The following NRBP2 variants were observed in gnomAD, a reference collection of about 807,000 sequenced individuals.
The protein encoded by NRBP2 is nuclear receptor-binding protein 2.
A neutral mutation model predicts 74.4 loss-of-function variants in NRBP2; 47 were observed. The ratio of observed to expected loss-of-function variants is 0.63; its 90% confidence interval spans 0.50 to 0.81. The LOEUF (loss-of-function observed/expected upper bound fraction) is 0.81. Among genes scored for constraint, NRBP2 ranks in the 30% least tolerant of loss-of-function variants. The pLI, the probability that NRBP2 is intolerant of heterozygous loss-of-function variation, is 0.00. For synonymous variants in NRBP2, 312 were observed against 273.8 expected (o/e 1.14, Z -1.38); for missense variants, 613 against 690.1 (o/e 0.89, Z 1.25).
chr8:143,838,786 G>A lies in NRBP2; in HGVS notation c.745-11C>T, dbSNP rs782364301. The A allele has an allele frequency of 1.9e-6, 3 of 1,612,224 alleles. No individual in the cohort carries two copies. Among genetic ancestry groups the A allele is most frequent in the Non-Finnish European group, 2.5e-6 (3 of 1,179,076 alleles). On this transcript the variant is annotated splice_polypyrimidine_tract_variant and intron_variant, in intron 9 of 17. Coordinates refer to ENST00000442628, the MANE Select transcript of NRBP2 (RefSeq NM_178564.4). ...TTCCAGTACAGCCATCTGGGGCACAGAGCCAGGTCAGGCATGGGGAAGGGA... is the reference window on the plus strand; with the variant it reads ...TTCCAGTACAGCCATCTGGGGCACAAAGCCAGGTCAGGCATGGGGAAGGGA...
chr8:143,833,058 G>T (rs1818217386), downstream of NRBP2, among the ~76,000 whole-genome samples: 1 of 152,180 alleles, frequency 6.6e-6, no homozygotes, highest in South Asian at 2.1e-4. Context: ...GAGGAAAGCA[G>T]TACAGGACAC....
Position 143,840,808 on chromosome 8 carries a change from CCTCGGCGCCGGCT to C in NRBP2, c.14_26del (p.Glu5GlyfsTer36), listed in dbSNP as rs1818661195. ...GCTCCCGCTCCCGTTCCCGGGCCCG[CCTCGGCGCCGGCT>C]CCGGGGCCGCCATGGTTCGGCCAGC... On this transcript the variant is annotated frameshift_variant, in exon 1 of 18. Coordinates refer to ENST00000442628, the MANE Select transcript of NRBP2 (RefSeq NM_178564.4). LOFTEE classifies it high-confidence loss of function. This position sits in a 1 kb window ranked among gnomAD's most constrained non-coding sequence, Gnocchi z 5.7. The C allele has an allele frequency of 6.7e-7, 1 of 1,497,360 alleles. No individual in the cohort carries two copies. Among genetic ancestry groups the C allele is most frequent in the Non-Finnish European group, 8.9e-7 (1 of 1,129,050 alleles). 92.8% of individuals were successfully genotyped at this position (1,497,360 alleles called of 1,614,324 possible). A position where few individuals can be genotyped will look rare whatever the true frequency, so the allele number is the denominator to read the frequency against.
chr8:143,835,583 C>T lies in NRBP2; in HGVS notation c.*79G>A. On this transcript the variant is annotated 3_prime_UTR_variant, in exon 18 of 18. Transcript: ENST00000442628. This position sits in a 1 kb window ranked among gnomAD's most constrained non-coding sequence, Gnocchi z 4.9. ...CTCCCAGGCGCATGGAGGAGGGCAG[C>T]CCCACGGTGCTGGAGTCTCCCCAAC... The T allele has an allele frequency of 8.2e-7, 1 of 1,216,228 alleles. No homozygotes were observed. Among genetic ancestry groups the T allele is most frequent in the Non-Finnish European group, 1.1e-6 (1 of 871,826 alleles). 75.3% of individuals were successfully genotyped at this position (1,216,228 alleles called of 1,614,324 possible).
Position 143,840,591 on chromosome 8 carries a change from G to T in NRBP2, c.129+115C>A. The T allele has an allele frequency of 9.4e-7, 1 of 1,067,844 alleles. No homozygotes were observed. The highest frequency in any genetic ancestry group is 1.3e-6 in the Non-Finnish European group (1 of 788,142). 66.1% of individuals were successfully genotyped at this position (1,067,844 alleles called of 1,614,324 possible). A position where few individuals can be genotyped will look rare whatever the true frequency, so the allele number is the denominator to read the frequency against. ...GCTGATTCGCGGGCCGCGAGGGGCC[G>T]CGGAGAGGTTTCCAGCCGCCGCGCT... On this transcript the variant is annotated intron_variant, in intron 1 of 17. Transcript: ENST00000442628. The surrounding 1 kb of genome is among the most constrained non-coding windows in gnomAD (Gnocchi z 5.7).
In NRBP2 at chr8:143,836,080, G is replaced by T. The variant is rs1473752471; in HGVS notation, c.1317+47C>A. The T allele has an allele frequency of 3.2e-6, 5 of 1,583,454 alleles. No individual in the cohort carries two copies. In the East Asian group the frequency reaches 1.1e-4, roughly 36 times the overall value. On this transcript the variant is annotated intron_variant, in intron 15 of 17. Transcript: ENST00000442628. ...GGCTGGGGGTTCAGGGCTCCGCCAC[G>T]CTCCCGCCTTCCCCACGGCAGCGCC...
intron 10 of NRBP2, chr8:143,838,188 AG>A: frequency 5.0e-6 from 2 of 398,098 alleles, no homozygotes; most frequent in Non-Finnish European, 9.5e-6. Flanking sequence ...GAGGCCATGG[AG>A]TTAAGTCTAG....
downstream of NRBP2, among the ~76,000 whole-genome samples, chr8:143,830,542 A>ATG (rs1437671995): frequency 6.6e-6 from 1 of 152,252 alleles, no homozygotes; most frequent in Non-Finnish European, 1.5e-5. Context: ...CAGGCTTCTC[A>ATG]GAGAAGAGGG....
chr8:143,837,158 G>A lies in NRBP2; in HGVS notation c.1144C>T (p.Leu382=), dbSNP rs782492818. ...GGTCGAGTGGCTGCAAAGTTCATCA[G>A]TGGGTAGATTCCATTCCTGGGGACA... is the stretch of plus-strand genomic sequence containing the variant. ...LEDVRNGIYP[L]MNFAATRPLG... The change falls in exon 14 of 18, where the codon CTG becomes TTG. Residue 382 remains leucine, a synonymous_variant. Coordinates refer to ENST00000442628, the MANE Select transcript of NRBP2 (RefSeq NM_178564.4). This position sits in a 1 kb window ranked among gnomAD's most constrained non-coding sequence, Gnocchi z 4.3. The A allele has an allele frequency of 1.9e-6, 3 of 1,612,970 alleles. No individual in the cohort carries two copies. Among genetic ancestry groups the A allele is most frequent in the South Asian group, 2.2e-5 (2 of 91,080 alleles).
In NRBP2 at chr8:143,834,217, C is replaced by T. The variant is rs1554650897; in HGVS notation, c.*1445G>A. ...AATCTCATGAGTCCTTAGGGACAAC[C>T]TTTCCTGTCTGCAGGGAACCAGAGA... On this transcript the variant is annotated 3_prime_UTR_variant, in exon 18 of 18. Transcript: ENST00000442628. 2 of 152,228 alleles carry T rather than the reference C, an allele frequency of 1.3e-5. No homozygotes were observed. Among genetic ancestry groups the T allele is most frequent in the Non-Finnish European group, 2.9e-5 (2 of 68,044 alleles). 9.4% of individuals were successfully genotyped at this position (152,228 alleles called of 1,614,324 possible).
chr8:143,836,626 T>G (rs1332611646), intron 14 of NRBP2, among the ~76,000 whole-genome samples: 1 of 140,840 alleles, frequency 7.1e-6, no homozygotes, highest in Non-Finnish European at 1.5e-5. Flanking sequence ...GAGGGGGTGC[T>G]GCAGGAAAAG....
Position 143,835,966 on chromosome 8 carries a change from C to T in NRBP2, c.1381+1G>A. 6.3e-7 allele frequency: 1 copy of T among 1,594,180 alleles called. No individual in the cohort carries two copies. The highest frequency in any genetic ancestry group is 8.5e-7 in the Non-Finnish European group (1 of 1,173,008). On this transcript the variant is annotated splice_donor_variant, in intron 16 of 17. Coordinates refer to ENST00000442628, the MANE Select transcript of NRBP2 (RefSeq NM_178564.4). LOFTEE classifies it high-confidence loss of function. The surrounding 1 kb of genome is among the most constrained non-coding windows in gnomAD (Gnocchi z 4.9). ...CCGCCCAAGTCCCCTGCCCAGCCTA[C>T]TTGGGAGCAGGTCGTAGGTCAGCTG...
intron 14 of NRBP2, among the ~76,000 whole-genome samples, 175 bp from the exon 15 acceptor site, chr8:143,836,355 G>A (rs962943261): frequency 2.0e-5 from 3 of 152,140 alleles, no homozygotes; most frequent in African/African-American, 7.2e-5. Context: ...GTCGACATTA[G>A]GGGCTGGGTA....
downstream of NRBP2, among the ~76,000 whole-genome samples, chr8:143,832,189 G>A (rs1818189289): frequency 1.3e-5 from 2 of 151,962 alleles, no homozygotes; most frequent in Non-Finnish European, 2.9e-5. Flanking sequence ...GGCGGTGCAA[G>A]ATGTGCTTTG....
intron 14 of NRBP2, 97 bp from the exon 15 acceptor site, chr8:143,836,277 G>A: frequency 2.1e-6 from 3 of 1,419,334 alleles, no homozygotes; most frequent in South Asian, 1.5e-5. Context: ...ACTGGAAAGG[G>A]GGGAATCTCT....
In NRBP2 at chr8:143,835,441, A is replaced by C; in HGVS notation, c.*221T>G. 1.6e-6 allele frequency: 1 copy of C among 640,282 alleles called. No homozygotes were observed. The highest frequency in any genetic ancestry group is 2.8e-6 in the Non-Finnish European group (1 of 360,340). 39.7% of individuals were successfully genotyped at this position (640,282 alleles called of 1,614,324 possible). A position where few individuals can be genotyped will look rare whatever the true frequency, so the allele number is the denominator to read the frequency against. On this transcript the variant is annotated 3_prime_UTR_variant, in exon 18 of 18. Coordinates refer to ENST00000442628, the MANE Select transcript of NRBP2 (RefSeq NM_178564.4). The surrounding 1 kb of genome is among the most constrained non-coding windows in gnomAD (Gnocchi z 4.9). ...GGTTCTGGGGGCAACCCTGATCCTA[A>C]GGACCTGGGAGGCCTAACGGCTCCC...
downstream of NRBP2, chr8:143,833,320 T>C (rs1164197060): frequency 6.6e-6 from 1 of 152,190 alleles, no homozygotes; most frequent in Non-Finnish European, 1.5e-5. Flanking sequence ...AACAAAAAGT[T>C]GTGCAAGAAA....
Position 143,839,596 on chromosome 8 carries a change from G to A in NRBP2, c.445-47C>T. 1.3e-6 allele frequency: 2 copies of A among 1,516,142 alleles called. No homozygotes were observed. Among genetic ancestry groups the A allele is most frequent in the Non-Finnish European group, 1.8e-6 (2 of 1,137,966 alleles). 93.9% of individuals were successfully genotyped at this position (1,516,142 alleles called of 1,614,324 possible). On this transcript the variant is annotated intron_variant, in intron 4 of 17. Coordinates refer to ENST00000442628, the MANE Select transcript of NRBP2 (RefSeq NM_178564.4). This position sits in a 1 kb window ranked among gnomAD's most constrained non-coding sequence, Gnocchi z 5.1. Reference sequence around the variant, plus strand: ...CGTCGGTCGGGTGGGCGCAGGAGAGGCGGCTGGGCCTGCGGAGCCCGCCCC... The same window carrying A: ...CGTCGGTCGGGTGGGCGCAGGAGAGACGGCTGGGCCTGCGGAGCCCGCCCC...
chr8:143,840,575 C>T lies in NRBP2; in HGVS notation c.129+131G>A. 1.0e-6 allele frequency: 1 copy of T among 955,524 alleles called. No individual in the cohort carries two copies. Among genetic ancestry groups the T allele is most frequent in the Non-Finnish European group, 1.5e-6 (1 of 685,168 alleles). The allele number at this position is 955,524 out of a possible 1,614,324, so 59.2% of individuals were successfully genotyped here. A position where few individuals can be genotyped will look rare whatever the true frequency, so the allele number is the denominator to read the frequency against. On this transcript the variant is annotated intron_variant, in intron 1 of 17. Transcript: ENST00000442628. The surrounding 1 kb of genome is among the most constrained non-coding windows in gnomAD (Gnocchi z 5.7). The stretch of plus-strand genomic sequence containing the variant: ...AAGGGGTCCAGGGGTGGCTGATTCG[C>T]GGGCCGCGAGGGGCCGCGGAGAGGT...
chr8:143,837,991 C>A lies in NRBP2; in HGVS notation c.841-236G>T, dbSNP rs1554652430. 4 of 700,382 alleles carry A rather than the reference C, an allele frequency of 5.7e-6. No individual in the cohort carries two copies. Among genetic ancestry groups the A allele is most frequent in the Admixed American group, 2.0e-5 (1 of 49,044 alleles). 43.4% of individuals were successfully genotyped at this position (700,382 alleles called of 1,614,324 possible). A position where few individuals can be genotyped will look rare whatever the true frequency, so the allele number is the denominator to read the frequency against. ...CACCATGCTCTGCTTCCCTCGACCC[C>A]CAAAAAATCGTGGGGAGAAGCCATG... On this transcript the variant is annotated intron_variant, in intron 10 of 17. Coordinates refer to ENST00000442628, the MANE Select transcript of NRBP2 (RefSeq NM_178564.4). The surrounding 1 kb of genome is among the most constrained non-coding windows in gnomAD (Gnocchi z 4.3).
Sources: allele counts gnomAD v4.1 joint callset (sites outside exome capture counted in the v4.1 genomes callset), GRCh38; gene constraint gnomAD v4.1.1; non-coding constraint Gnocchi (gnomAD v3.1); transcripts MANE v1.5; gene names NCBI Gene and HGNC (gene_info 2026-07-23, HGNC 2026-07-21).